The following DGKB variants were observed in gnomAD, a reference collection of about 807,000 sequenced individuals.
DGKB encodes 90 kDa diacylglycerol kinase.
Under a neutral mutation model 114.3 loss-of-function variants are expected in DGKB, and 67 were observed. The ratio of observed to expected loss-of-function variants is 0.59; its 90% CI spans 0.48 to 0.72. The LOEUF (loss-of-function observed/expected upper bound fraction) is 0.72. Ranked by LOEUF, DGKB falls within the 30% of genes least tolerant of loss-of-function variation. The probability of loss-of-function intolerance (pLI) is 0.00; values close to 1 mark genes in which losing one functional copy is unlikely to be tolerated. For synonymous variants in DGKB, 398 were observed against 323.1 expected (o/e 1.23, Z -2.49); for missense variants, 907 against 975.2 (o/e 0.93, Z 0.93).
intron 1 of DGKB, among the ~76,000 whole-genome samples, chr7:14,912,227 C>G (rs1784037248): frequency 6.6e-6 from 1 of 152,138 alleles, no homozygotes; most frequent in African/African-American, 2.4e-5. Flanking sequence ...GAAACATCCT[C>G]ATATGTTTCA....
intron 21 of DGKB, among the ~76,000 whole-genome samples, chr7:14,438,466 G>A (rs1354483192): frequency 6.6e-6 from 1 of 152,064 alleles, no homozygotes; most frequent in Non-Finnish European, 1.5e-5. Flanking sequence ...AAGAGATATT[G>A]TCAAGCCTGA....
chr7:14,723,247 G>T (rs915090894), intron 5 of DGKB, among the ~76,000 whole-genome samples: 1 of 152,114 alleles, frequency 6.6e-6, no homozygotes. Context: ...ACATGAAATA[G>T]TAAGTGAGAT....
chr7:14,823,179 ATAAAT>A (rs949908200), intron 2 of DGKB, among the ~76,000 whole-genome samples: 52 of 152,030 alleles, frequency 3.4e-4, no homozygotes, highest in African/African-American at 1.2e-3. Context: ...TCTATATAAA[ATAAAT>A]TAGGTAGGGT....
At chr7:14,601,870 C>G (rs150388370) in intron 17 of DGKB, among the ~76,000 whole-genome samples, 1 of 152,056 alleles carries the variant, frequency 6.6e-6, no homozygotes, top group South Asian at 2.1e-4. Context: ...ACATTTTGTT[C>G]GCAACCATGT....
chr7:14,888,906 A>G (rs1780736814), intron 1 of DGKB, among the ~76,000 whole-genome samples: 1 of 151,640 alleles, frequency 6.6e-6, no homozygotes, highest in Non-Finnish European at 1.5e-5. Flanking sequence ...AAGTTTAATG[A>G]TTTTGAAAAC....
intron 21 of DGKB, among the ~76,000 whole-genome samples, chr7:14,364,788 A>T (rs1816367257): frequency 1.3e-5 from 2 of 152,030 alleles, no homozygotes; most frequent in African/African-American, 4.8e-5. Context: ...ATCTGCACTC[A>T]TGGTAAATCA....
chr7:14,946,062 T>C (rs903879839), intron 1 of DGKB, among the ~76,000 whole-genome samples: 35 of 151,460 alleles, frequency 2.3e-4, no homozygotes, highest in Admixed American at 2.6e-4. Flanking sequence ...TATTTTGACA[T>C]TAATAGATAA....
At chr7:14,372,382 C>T (rs1245658448) in intron 21 of DGKB, among the ~76,000 whole-genome samples, 14 of 152,170 alleles carry the variant, frequency 9.2e-5, no homozygotes, top group Admixed American at 9.2e-4. Context: ...CAAGCTACCT[C>T]TAATCTGCCA....
chr7:14,800,236 G>C (rs1841977096), intron 2 of DGKB, among the ~76,000 whole-genome samples: 1 of 152,176 alleles, frequency 6.6e-6, no homozygotes, highest in Non-Finnish European at 1.5e-5. Flanking sequence ...TTCAAAAACA[G>C]CTATGGTCCT....
chr7:14,265,075 C>T (rs1165467032), intron 23 of DGKB, among the ~76,000 whole-genome samples: 1 of 151,534 alleles, frequency 6.6e-6, no homozygotes, highest in African/African-American at 2.4e-5. Context: ...TTTCAGGTTT[C>T]TGTCCCCGCC....
intron 1 of DGKB, among the ~76,000 whole-genome samples, chr7:14,974,055 C>G (rs572191810): frequency 2.6e-5 from 4 of 151,928 alleles, no homozygotes; most frequent in Non-Finnish European, 5.9e-5. Context: ...GCAAACATTA[C>G]TGGGAAAATT....
At chr7:14,593,244 G>A (rs535222253) in intron 17 of DGKB, among the ~76,000 whole-genome samples, 1 of 152,054 alleles carries the variant, frequency 6.6e-6, no homozygotes, top group South Asian at 2.1e-4. Flanking sequence ...AACACAGACT[G>A]AAATGACAAA....
chr7:14,815,043 T>C (rs995118269), intron 2 of DGKB: 7 of 152,216 alleles, frequency 4.6e-5, no homozygotes, highest in African/African-American at 1.7e-4. Flanking sequence ...ACATGAAATA[T>C]TACGAATTGT....
At chr7:14,885,120 G>A (rs1386940303) in intron 1 of DGKB, among the ~76,000 whole-genome samples, 1 of 151,888 alleles carries the variant, frequency 6.6e-6, no homozygotes, top group Non-Finnish European at 1.5e-5. Flanking sequence ...ACATCTGAGC[G>A]AGGTAACTTG....
chr7:14,190,678 G>C (rs1027878325), intron 23 of DGKB: 6 of 151,790 alleles, frequency 4.0e-5, no homozygotes, highest in African/African-American at 1.5e-4. Context: ...AAAGAAAGAA[G>C]ACTCAAAAAA....
intron 17 of DGKB, among the ~76,000 whole-genome samples, chr7:14,593,873 C>CCAGTT (rs1050689737): frequency 4.0e-5 from 6 of 151,578 alleles, no homozygotes; most frequent in Non-Finnish European, 5.9e-5. Flanking sequence ...CAGAAGGGGC[C>CCAGTT]CAGTTCACCA....
At chr7:14,953,770 C>A (rs746514431) in intron 1 of DGKB, among the ~76,000 whole-genome samples, 3 of 152,080 alleles carry the variant, frequency 2.0e-5, no homozygotes, top group Non-Finnish European at 4.4e-5. Flanking sequence ...ATTATTCATA[C>A]TAAACAAGAA....
intron 23 of DGKB, among the ~76,000 whole-genome samples, chr7:14,258,500 T>A (rs1459968950): frequency 1.3e-5 from 2 of 152,196 alleles, no homozygotes; most frequent in Middle Eastern, 3.2e-3. Flanking sequence ...CAACAGGATA[T>A]TCTCTGCCAC....
chr7:14,852,487 C>CAAAACAA (rs1554304201), intron 1 of DGKB, among the ~76,000 whole-genome samples: 2 of 63,616 alleles, frequency 3.1e-5, no homozygotes, highest in South Asian at 5.8e-4. Context: ...TAGTGAAAGT[C>CAAAACAA]AAAAAAAAAA....
Sources: gnomAD v4.1 joint callset for allele counts (sites outside exome capture counted in the v4.1 genomes callset) on GRCh38, gnomAD v4.1.1 for gene constraint, MANE v1.5 for transcripts, NCBI Gene and HGNC (gene_info 2026-07-23, HGNC 2026-07-21) for gene names.